Variants in ZNF227 observed in about 807,000 individuals in gnomAD.
The protein encoded by ZNF227 is zinc finger protein 227.
In ZNF227, 12 loss-of-function variants were observed where a neutral mutation model predicts 13.2. The observed-to-expected ratio is 0.91, with a 90% CI of 0.58 to 1.47. The LOEUF (loss-of-function observed/expected upper bound fraction) is 1.47, where lower values mean the gene tolerates loss of function less well. Ranked by LOEUF, ZNF227 falls within the 40% of genes most tolerant of loss-of-function variation. ZNF227 has a pLI of 0.00. For synonymous variants in ZNF227, 338 were observed against 326.0 expected, an observed-to-expected ratio of 1.04 and a Z score of -0.40; for missense variants, 885 against 967.5, an observed-to-expected ratio of 0.91 and a Z score of 1.13.
chr19:44,236,034 T>C lies in ZNF227; in HGVS notation c.1604T>C (p.Leu535Pro), dbSNP rs776458595. 2.5e-6 allele frequency: 4 copies of C among 1,613,868 alleles called. No homozygotes were observed. In the Admixed American group the frequency reaches 5.0e-5, roughly 20 times the overall value. ...AAGGGCTTCAGTCAGTCCTCAAAGC[T>C]TCAAACCCATCAGCGAGTCCACACT... Reference protein sequence around the residue: ...CGKGFSQSSKLQTHQRVHTGE... With the variant: ...CGKGFSQSSKPQTHQRVHTGE... Residue 535 changes from leucine (L) to proline (P), a missense_variant, in exon 6 of 6, where the codon CTT (leucine) becomes CCT (proline). Physicochemically the swap from Leu to Pro is moderately conservative, Grantham distance 98. Transcript: ENST00000313040.
upstream of ZNF227, among the ~76,000 whole-genome samples, chr19:44,211,596 A>G (rs1472899926): frequency 2.0e-5 from 3 of 152,176 alleles, no homozygotes; most frequent in Non-Finnish European, 4.4e-5. Context: ...GAGTTGATCT[A>G]CCATATGCCA....
rs367650591 is a variant in ZNF227, at chr19:44,234,965, G to A, written c.535G>A (p.Gly179Arg). The A allele has an allele frequency of 2.0e-5, 33 of 1,613,968 alleles. No homozygotes were observed. The East Asian group carries it at 3.8e-4, about 19-fold the overall frequency. ...ATTTTGGAGAACCCAGCATTCTTGC[G>A]GGAATACATATCTGAGTGAGTCACA... ...FPFWRTQHSC[G>R]NTYLSESQIQ... The change falls in exon 6 of 6, where the codon GGG (glycine) becomes AGG (arginine). Residue 179 changes from glycine (G) to arginine (R), a missense_variant. Transcript: ENST00000313040.
rs1449934394 is a variant in ZNF227 at position 44,236,814 on chromosome 19, C to T, written c.2384C>T (p.Thr795Ile). Reference protein sequence around the residue: ...SRLTYHQKVHTGKKL With the variant: ...SRLTYHQKVHIGKKL Reference sequence around the variant, plus strand: ...CTTACATATCATCAGAAAGTCCATACTGGTAAAAAGCTTTAGAAATGAGAA... The same window carrying T: ...CTTACATATCATCAGAAAGTCCATATTGGTAAAAAGCTTTAGAAATGAGAA... The change falls in exon 6 of 6, where the codon ACT becomes ATT. Residue 795 changes from threonine (T) to isoleucine (I), a missense_variant. Physicochemically the swap from Thr to Ile is moderately conservative, Grantham distance 89. Coordinates refer to ENST00000313040, the MANE Select transcript of ZNF227 (RefSeq NM_182490.3). 1 of 1,573,270 alleles carries T rather than the reference C, an allele frequency of 6.4e-7. No individual in the cohort carries two copies. Among genetic ancestry groups the T allele is most frequent in the African/African-American group, 1.4e-5 (1 of 73,118 alleles).
chr19:44,229,085 A>G (rs1973501025), intron 4 of ZNF227: 3 of 155,734 alleles, frequency 1.9e-5, no homozygotes, highest in Non-Finnish European at 4.2e-5. Context: ...TTTTTTTTCA[A>G]TGAAATAAAA....
chr19:44,236,205 A>G lies in ZNF227; in HGVS notation c.1775A>G (p.His592Arg). The change falls in exon 6 of 6, where the codon CAT becomes CGT. Residue 592 changes from histidine (H) to arginine (R), a missense_variant. Physicochemically the swap from His to Arg is conservative, Grantham distance 29. Transcript: ENST00000313040. Reference sequence around the variant, plus strand: ...GGCTTCAGTTGGAGATCAAATCTTCATGCACATCAAAGAGTTCACTCAGGA... The same window carrying G: ...GGCTTCAGTTGGAGATCAAATCTTCGTGCACATCAAAGAGTTCACTCAGGA... Reference protein sequence around the residue: ...GKGFSWRSNLHAHQRVHSGEK... With the variant: ...GKGFSWRSNLRAHQRVHSGEK... The G allele has an allele frequency of 6.2e-7, 1 of 1,614,082 alleles. No homozygotes were observed. The highest frequency in any genetic ancestry group is 1.1e-5 in the South Asian group (1 of 91,068).
chr19:44,234,907 T>C lies in ZNF227; in HGVS notation c.477T>C (p.Asp159=). The C allele has an allele frequency of 6.2e-6, 10 of 1,612,744 alleles. No individual in the cohort carries two copies. The highest frequency in any genetic ancestry group is 8.5e-6 in the Non-Finnish European group (10 of 1,179,690). The change falls in exon 6 of 6, where the codon GAT becomes GAC. Residue 159 remains aspartate (D), a synonymous_variant. Transcript: ENST00000313040. The part of the protein sequence containing the change: ...NENNIMNPKG[D]SSIYIENQEF... The stretch of plus-strand genomic sequence containing the variant: ...ACAATATAATGAACCCTAAAGGAGA[T>C]AGCTCTATTTATATTGAAAATCAAG...
chr19:44,236,515 AG>A lies in ZNF227; in HGVS notation c.2087del (p.Gly696AlafsTer6). On this transcript the variant is annotated frameshift_variant, in exon 6 of 6. Transcript: ENST00000313040. LOFTEE classifies it low-confidence loss of function (END_TRUNC). ...CTTACAAATGTGAAGAGTGTGGGAA[AG>A]GCTTTGGTAGGAGCTTGAATCTTCG... ...KPYKCEECGKGFGRSLNLRHH... is the reference protein window; with the variant it reads ...KPYKCEECGKXFGRSLNLRHH... The A allele has an allele frequency of 6.2e-7, 1 of 1,613,302 alleles. No homozygotes were observed. The highest frequency in any genetic ancestry group is 8.5e-7 in the Non-Finnish European group (1 of 1,179,738).
chr19:44,233,410 A>ACTAAT (rs1319292885), intron 5 of ZNF227, among the ~76,000 whole-genome samples: 2 of 152,132 alleles, frequency 1.3e-5, no homozygotes, highest in African/African-American at 2.4e-5. Context: ...TTCATGGTGC[A>ACTAAT]CTAATGCATT....
intron 3 of ZNF227, among the ~76,000 whole-genome samples, chr19:44,224,710 A>G (rs1381091112): frequency 1.3e-5 from 2 of 151,646 alleles, no homozygotes; most frequent in African/African-American, 4.9e-5. Flanking sequence ...ATGGGTCTTG[A>G]CTCTTTATCC....
intron 2 of ZNF227, among the ~76,000 whole-genome samples, chr19:44,214,734 C>T (rs1231442324): frequency 1.3e-5 from 2 of 152,032 alleles, no homozygotes; most frequent in African/African-American, 4.8e-5. Context: ...TTCCACGTAA[C>T]CAACACTCAG....
rs1568623190 is a variant in ZNF227 at position 44,236,693 on chromosome 19, CAG to C, written c.2266_2267del (p.Ser756CysfsTer4). 1 of 1,613,592 alleles carries C rather than the reference CAG, an allele frequency of 6.2e-7. No homozygotes were observed. Among genetic ancestry groups the C allele is most frequent in the East Asian group, 2.2e-5 (1 of 44,844 alleles). On this transcript the variant is annotated frameshift_variant, in exon 6 of 6. Coordinates refer to ENST00000313040, the MANE Select transcript of ZNF227 (RefSeq NM_182490.3). LOFTEE classifies it low-confidence loss of function (END_TRUNC). ...TGAAGAGTGTGGTAAAGGCTTCAGT[CAG>C]AGTGCACGTCTTGAAGCCCATCAGA... ...KCEECGKGFS[Q>X]SARLEAHQRV...
intron 5 of ZNF227, among the ~76,000 whole-genome samples, chr19:44,231,450 A>G (rs1333215872): frequency 6.6e-6 from 1 of 151,970 alleles, no homozygotes; most frequent in Non-Finnish European, 1.5e-5. Context: ...ATTCTGCTTT[A>G]GCCTCCCGAG....
chr19:44,230,125 C>T (rs924725794), intron 5 of ZNF227, among the ~76,000 whole-genome samples: 3 of 152,082 alleles, frequency 2.0e-5, no homozygotes, highest in Non-Finnish European at 2.9e-5. Flanking sequence ...AAGTGGTCCT[C>T]CCACCTCAGC....
Position 44,236,162 on chromosome 19 carries a change from T to C in ZNF227, c.1732T>C (p.Cys578Arg). 1 of 1,614,078 alleles carries C rather than the reference T, an allele frequency of 6.2e-7. No homozygotes were observed. Among genetic ancestry groups the C allele is most frequent in the South Asian group, 1.1e-5 (1 of 91,074 alleles). ...VIHTGEKPYK[C>R]EECGKGFSWR... ...TCACACTGGAGAAAAACCATATAAA[T>C]GTGAGGAATGTGGGAAGGGCTTCAG... The change falls in exon 6 of 6, where the codon TGT becomes CGT. Residue 578 changes from cysteine to arginine, a missense_variant. Physicochemically the swap from Cys to Arg is radical, Grantham distance 180. Coordinates refer to ENST00000313040, the MANE Select transcript of ZNF227 (RefSeq NM_182490.3).
At chr19:44,231,346 C>G (rs1394957106) in intron 5 of ZNF227, among the ~76,000 whole-genome samples, 1 of 148,974 alleles carries the variant, frequency 6.7e-6, no homozygotes, top group Admixed American at 6.7e-5. Context: ...AAGTTCTGAT[C>G]TTACCCACTT....
At chr19:44,209,505 T>G (rs545307347), upstream of ZNF227, among the ~76,000 whole-genome samples, 3 of 152,340 alleles carry the variant, frequency 2.0e-5, no homozygotes, top group East Asian at 5.8e-4. Flanking sequence ...CATTGAGATT[T>G]GGAAAGGAAT....
chr19:44,228,332 G>A, intron 3 of ZNF227, 114 bp from the exon 4 acceptor site: 1 of 1,215,062 alleles, frequency 8.2e-7, no homozygotes, highest in Admixed American at 2.5e-5. Context: ...AATTGACTGA[G>A]ATCTCTTGGA....
Position 44,236,578 on chromosome 19 carries a change from T to C in ZNF227, c.2148T>C (p.His716=). The C allele has an allele frequency of 6.2e-7, 1 of 1,613,890 alleles. No individual in the cohort carries two copies. Among genetic ancestry groups the C allele is most frequent in the Non-Finnish European group, 8.5e-7 (1 of 1,179,978 alleles). ...HQRVHTGEKP[H]ICEECGKAFS... The stretch of plus-strand genomic sequence containing the variant: ...GGGTCCACACGGGAGAGAAACCCCA[T>C]ATATGTGAGGAGTGTGGTAAGGCCT... Residue 716 remains histidine, a synonymous_variant, in exon 6 of 6, where the codon CAT becomes CAC. Coordinates refer to ENST00000313040, the MANE Select transcript of ZNF227 (RefSeq NM_182490.3).
upstream of ZNF227, among the ~76,000 whole-genome samples, chr19:44,212,361 G>C (rs550736438): frequency 2.1e-5 from 3 of 141,220 alleles, no homozygotes; most frequent in East Asian, 2.1e-4. Flanking sequence ...TCACTCGCTC[G>C]CTCCGTTTTT....
Sources: allele counts gnomAD v4.1 joint callset (sites outside exome capture counted in the v4.1 genomes callset), GRCh38; gene constraint gnomAD v4.1.1; transcripts MANE v1.5; gene names NCBI Gene and HGNC (gene_info 2026-07-23, HGNC 2026-07-21).